The following MMP9 variants were observed in gnomAD, a reference collection of about 807,000 sequenced individuals.
MMP9 encodes matrix metallopeptidase 9.
Under a neutral mutation model 76.4 loss-of-function variants are expected in MMP9, and 73 were observed. That is an observed-to-expected ratio of 0.96 (90% CI 0.79 to 1.16). The LOEUF is 1.16. Ranked by LOEUF, MMP9 falls within the 50% of genes most tolerant of loss-of-function variation. The pLI is 0.00. For missense variants in MMP9, 943 were observed against 973.0 expected (o/e 0.97, Z 0.41); for synonymous variants, 412 against 408.4 (o/e 1.01, Z -0.11).
At chr20:46,010,717 C>G (rs1814098970) in intron 3 of MMP9, 86 bp downstream of exon 3, 1 of 1,549,204 alleles carries the variant, frequency 6.5e-7, no homozygotes, top group African/African-American at 1.4e-5. Context: ...CAGCAGTGGC[C>G]CCGGCTTCCT....
At position 46,011,591 on chromosome 20, in the gene MMP9, G is replaced by C. The variant is rs1555857376; in HGVS notation, c.841G>C (p.Gly281Arg). 1 of 1,613,558 alleles carries C rather than the reference G, an allele frequency of 6.2e-7. No homozygotes were observed. The highest frequency in any genetic ancestry group is 8.5e-7 in the Non-Finnish European group (1 of 1,179,898). ...CGCCCCAGGACTCTACACCCAGGAC[G>C]GCAATGCTGATGGGAAACCCTGCCA... ...CPSERLYTQD[G>R]NADGKPCQFP... Residue 281 changes from glycine to arginine, a missense_variant, in exon 6 of 13, where the codon GGC (glycine) becomes CGC (arginine). By Grantham distance (125) the Gly-to-Arg change is moderately radical. Transcript: ENST00000372330.
chr20:46,016,288 G>T lies in MMP9; in HGVS notation c.2044G>T (p.Val682Leu), dbSNP rs137904662. Reference sequence around the variant, plus strand: ...CTGCCAGGACCGCTTCTACTGGCGCGTGAGTTCCCGGAGTGAGTTGAACCA... The same window carrying T: ...CTGCCAGGACCGCTTCTACTGGCGCTTGAGTTCCCGGAGTGAGTTGAACCA... ...YFCQDRFYWR[V>L]SSRSELNQVD... Residue 682 changes from valine to leucine, a missense_variant, in exon 13 of 13, where the codon GTG becomes TTG. Physicochemically the swap from Val to Leu is conservative, Grantham distance 32 (BLOSUM62 1). Coordinates refer to ENST00000372330, the MANE Select transcript of MMP9 (RefSeq NM_004994.3). The T allele has an allele frequency of 1.2e-6, 2 of 1,614,228 alleles. No individual in the cohort carries two copies. Among genetic ancestry groups the T allele is most frequent in the Non-Finnish European group, 8.5e-7 (1 of 1,180,040 alleles).
chr20:46,010,167 A>AG, intron 2 of MMP9, 69 bp downstream of exon 2: 2 of 1,394,166 alleles, frequency 1.4e-6, no homozygotes, highest in South Asian at 2.6e-5. Flanking sequence ...GCCAGCGGTG[A>AG]ACATGTCCTG....
intron 5 of MMP9, 26 bp from the exon 6 acceptor site, chr20:46,011,548 C>G: frequency 6.2e-7 from 1 of 1,613,960 alleles, no homozygotes. Context: ...GCCTTCTCCC[C>G]CTTTCCCACA....
Position 46,011,323 on chromosome 20 carries a change from G to A in MMP9, c.823+7G>A. ...GGCTTCTGCCCCAGCGAGAGTGAGTGAGGGGGCTCGCCGAGGGCTGGGGGC... is the reference window on the plus strand; with the variant it reads ...GGCTTCTGCCCCAGCGAGAGTGAGTAAGGGGGCTCGCCGAGGGCTGGGGGC... On this transcript the variant is annotated splice_region_variant and intron_variant, in intron 5 of 12. Transcript: ENST00000372330. The A allele has an allele frequency of 6.2e-7, 1 of 1,600,042 alleles. No individual in the cohort carries two copies. The highest frequency in any genetic ancestry group is 1.7e-5 in the Admixed American group (1 of 59,920).
chr20:46,010,604 G>A lies in MMP9; in HGVS notation c.493G>A (p.Asp165Asn), dbSNP rs8125581. Reference protein sequence around the residue: ...TFTRVYSRDADIVIQFGVAEH... With the variant: ...TFTRVYSRDANIVIQFGVAEH... ...CACTCGCGTGTACAGCCGGGACGCA[G>A]ACATCGTCATCCAGTTTGGTGTCGC... is the stretch of plus-strand genomic sequence containing the variant. The change falls in exon 3 of 13, where the codon GAC becomes AAC. Residue 165 changes from aspartate to asparagine, a missense_variant. Transcript: ENST00000372330. The A allele has an allele frequency of 5.2e-4, 835 of 1,613,900 alleles. No homozygotes were observed. The highest frequency in any genetic ancestry group is 6.4e-4 in the Non-Finnish European group (756 of 1,179,930).
Position 46,011,162 on chromosome 20 carries a change from A to G in MMP9, c.669A>G (p.Gly223=). ...CTGCAGTGGTTCCAACTCGGTTTGG[A>G]AACGCAGATGGCGCGGCCTGCCACT... ...GKGVVVPTRF[G]NADGAACHFP... The change falls in exon 5 of 13, where the codon GGA becomes GGG. Residue 223 remains glycine (G), a synonymous_variant. Coordinates refer to ENST00000372330, the MANE Select transcript of MMP9 (RefSeq NM_004994.3). 1 of 1,614,124 alleles carries G rather than the reference A, an allele frequency of 6.2e-7. No individual in the cohort carries two copies. Among genetic ancestry groups the G allele is most frequent in the Non-Finnish European group, 8.5e-7 (1 of 1,180,030 alleles).
rs1452217649 is a variant in MMP9 at position 46,010,575 on chromosome 20, C to CCTT, written c.466_468dup (p.Phe156dup). On this transcript the variant is annotated inframe_insertion, in exon 3 of 13. Coordinates refer to ENST00000372330, the MANE Select transcript of MMP9 (RefSeq NM_004994.3). Reference sequence around the variant, plus strand: ...CTGTGGAGCGCGGTGACGCCGCTCACCTTCACTCGCGTGTACAGCCGGGAC... The same window carrying CCTT: ...CTGTGGAGCGCGGTGACGCCGCTCACCTTCTTCACTCGCGTGTACAGCCGGGAC... The CCTT allele has an allele frequency of 6.2e-7, 1 of 1,614,184 alleles. No homozygotes were observed. The highest frequency in any genetic ancestry group is 8.5e-7 in the Non-Finnish European group (1 of 1,180,022).
Position 46,012,485 on chromosome 20 carries a change from T to G in MMP9, c.1233T>G (p.His411Gln), listed in dbSNP as rs1014120184. 2 of 1,614,126 alleles carry G rather than the reference T, an allele frequency of 1.2e-6. No individual in the cohort carries two copies. The change falls in exon 8 of 13, where the codon CAT becomes CAG. Residue 411 changes from histidine (H) to glutamine (Q), a missense_variant. Transcript: ENST00000372330. Reference protein sequence around the residue: ...HEFGHALGLDHSSVPEALMYP... With the variant: ...HEFGHALGLDQSSVPEALMYP... ...TCGGCCACGCGCTGGGCTTAGATCATTCCTCAGTGCCGGAGGCGCTCATGT... is the reference window on the plus strand; with the variant it reads ...TCGGCCACGCGCTGGGCTTAGATCAGTCCTCAGTGCCGGAGGCGCTCATGT...
intron 3 of MMP9, 38 bp downstream of exon 3, chr20:46,010,669 C>A (rs754286948): frequency 6.3e-7 from 1 of 1,595,900 alleles, no homozygotes. Context: ...GAGACCTGGG[C>A]GGGGTCAGGG....
intron 12 of MMP9, chr20:46,014,801 A>T (rs574026834): frequency 5.2e-6 from 2 of 383,784 alleles, no homozygotes; most frequent in Admixed American, 4.2e-5. Context: ...ACAGGGAGAG[A>T]TAAGACAATT....
Position 46,012,410 on chromosome 20 carries a change from G to A in MMP9, c.1175-17G>A, listed in dbSNP as rs1214182436. On this transcript the variant is annotated splice_polypyrimidine_tract_variant and intron_variant, in intron 7 of 12. Transcript: ENST00000372330. ...GCTCGGCCCGGCGCTCACGTCTCAG[G>A]CTCCCTCTCCCTCCAGGATACAGTT... 6.2e-7 allele frequency: 1 copy of A among 1,613,944 alleles called. No homozygotes were observed. Among genetic ancestry groups the A allele is most frequent in the African/African-American group, 1.3e-5 (1 of 75,052 alleles).
chr20:46,012,449 G>A lies in MMP9; in HGVS notation c.1197G>A (p.Ala399=), dbSNP rs531743649. The A allele has an allele frequency of 6.2e-7, 1 of 1,614,114 alleles. No homozygotes were observed. The highest frequency in any genetic ancestry group is 1.1e-5 in the South Asian group (1 of 91,092). ...PDQGYSLFLV[A]AHEFGHALGL... The stretch of plus-strand genomic sequence containing the variant: ...CAGGATACAGTTTGTTCCTCGTGGC[G>A]GCGCATGAGTTCGGCCACGCGCTGG... Residue 399 remains alanine, a synonymous_variant, in exon 8 of 13, where the codon GCG becomes GCA. Coordinates refer to ENST00000372330, the MANE Select transcript of MMP9 (RefSeq NM_004994.3).
chr20:46,013,638 T>A lies in MMP9; in HGVS notation c.1611-19T>A, dbSNP rs201797233. ...TGTCCAAGGCTTAGAGCCCGTCCTT[T>A]CCCTCCTCGCTTTCTCAGGAAGTAC... On this transcript the variant is annotated intron_variant, in intron 9 of 12. Coordinates refer to ENST00000372330, the MANE Select transcript of MMP9 (RefSeq NM_004994.3). This position sits in a 1 kb window ranked among gnomAD's most constrained non-coding sequence, Gnocchi z 4.5. 3.4e-5 allele frequency: 55 copies of A among 1,614,066 alleles called. No homozygotes were observed. Among genetic ancestry groups the A allele is most frequent in the Non-Finnish European group, 4.5e-5 (53 of 1,179,970 alleles).
rs1267880862 is a variant in MMP9, at chr20:46,011,194, T to G, written c.701T>G (p.Phe234Cys). Residue 234 changes from phenylalanine to cysteine, a missense_variant, in exon 5 of 13, where the codon TTC (phenylalanine) becomes TGC (cysteine). Physicochemically the swap from Phe to Cys is radical, Grantham distance 205 (BLOSUM62 -2). Transcript: ENST00000372330. ...GATGGCGCGGCCTGCCACTTCCCCT[T>G]CATCTTCGAGGGCCGCTCCTACTCT... is the stretch of plus-strand genomic sequence containing the variant. ...NADGAACHFP[F>C]IFEGRSYSAC... is the part of the protein sequence containing the mutation. 5 of 1,614,102 alleles carry G rather than the reference T, an allele frequency of 3.1e-6. No individual in the cohort carries two copies. In the South Asian group the frequency reaches 5.5e-5, roughly 18 times the overall value.
rs762888525 is a variant in MMP9, at chr20:46,012,621, G to C, written c.1330+39G>C. The C allele has an allele frequency of 1.9e-6, 3 of 1,610,726 alleles. No individual in the cohort carries two copies. In the South Asian group the frequency reaches 3.3e-5, roughly 18 times the overall value. ...AGGGATGGGAGGAGGAGGGGAAAGG[G>C]CGTGGCTGTGCCACAGTACCAAAGA... On this transcript the variant is annotated intron_variant, in intron 8 of 12. Coordinates refer to ENST00000372330, the MANE Select transcript of MMP9 (RefSeq NM_004994.3).
intron 11 of MMP9, 43 bp downstream of exon 11, chr20:46,014,317 G>T (rs1407100823): frequency 6.5e-7 from 1 of 1,538,384 alleles, no homozygotes; most frequent in Non-Finnish European, 8.7e-7. Context: ...CCCGGGCGCC[G>T]TCGGTCCGTC....
In MMP9 at chr20:46,011,193, T is replaced by G. The variant is rs755807976; in HGVS notation, c.700T>G (p.Phe234Val). 1.2e-6 allele frequency: 2 copies of G among 1,614,102 alleles called. No individual in the cohort carries two copies. The highest frequency in any genetic ancestry group is 3.3e-4 in the Middle Eastern group (2 of 6,062). The change falls in exon 5 of 13, where the codon TTC becomes GTC. Residue 234 changes from phenylalanine to valine, a missense_variant. Phe to Val is a conservative substitution (Grantham distance 50). Transcript: ENST00000372330. Reference sequence around the variant, plus strand: ...AGATGGCGCGGCCTGCCACTTCCCCTTCATCTTCGAGGGCCGCTCCTACTC... The same window carrying G: ...AGATGGCGCGGCCTGCCACTTCCCCGTCATCTTCGAGGGCCGCTCCTACTC... ...NADGAACHFPFIFEGRSYSAC... is the reference protein window; with the variant it reads ...NADGAACHFPVIFEGRSYSAC...
Position 46,013,073 on chromosome 20 carries a change from A to G in MMP9, c.1331-182A>G, listed in dbSNP as rs2145454917. Among the ~76,000 whole-genome samples, 1 of 152,230 alleles carries G rather than the reference A, an allele frequency of 6.6e-6. No individual in the cohort carries two copies. Among genetic ancestry groups the G allele is most frequent in the East Asian group, 1.9e-4 (1 of 5,156 alleles). ...ACCACTGCATTCCATCCTGGGCCAT[A>G]GAGGATGTCGCTTAAAACGAAAAAG... On this transcript the variant is annotated intron_variant, in intron 8 of 12. Coordinates refer to ENST00000372330, the MANE Select transcript of MMP9 (RefSeq NM_004994.3). The surrounding 1 kb of genome is among the most constrained non-coding windows in gnomAD (Gnocchi z 4.5).
Sources: gnomAD v4.1 joint callset for allele counts (sites outside exome capture counted in the v4.1 genomes callset) on GRCh38, gnomAD v4.1.1 for gene constraint, Gnocchi (gnomAD v3.1) non-coding constraint, MANE v1.5 for transcripts, NCBI Gene and HGNC (gene_info 2026-07-23, HGNC 2026-07-21) for gene names.